Variants in KCNT2 observed in about 807,000 individuals in gnomAD.
The protein encoded by KCNT2 is potassium sodium-activated channel subfamily T member 2, also known as potassium channel subfamily T member 2.
Under a neutral mutation model 153.8 loss-of-function variants are expected in KCNT2, and 67 were observed. The observed-to-expected ratio is 0.44, with a 90% confidence interval of 0.36 to 0.53. The LOEUF (loss-of-function observed/expected upper bound fraction) is 0.53, where lower values mean the gene tolerates loss of function less well. Among genes scored for constraint, KCNT2 ranks in the 20% least tolerant of loss-of-function variants. The probability of loss-of-function intolerance (pLI) is 0.00; values close to 1 mark genes in which losing one functional copy is unlikely to be tolerated. For missense variants in KCNT2, 975 were observed against 1,354.8 expected (o/e 0.72, Z 4.40); for synonymous variants, 500 against 458.8 (o/e 1.09, Z -1.15).
At chr1:196,568,595 C>CAAA (rs34667117) in intron 1 of KCNT2, among the ~76,000 whole-genome samples, 1 of 118,840 alleles carries the variant, frequency 8.4e-6, no homozygotes. Context: ...GACTCCGTCT[C>CAAA]AAAAAAAAAA....
At chr1:196,257,902 A>G (rs1656655800) in intron 26 of KCNT2, 1 of 967,182 alleles carries the variant, frequency 1.0e-6, no homozygotes, top group Non-Finnish European at 1.2e-6. Flanking sequence ...CTTTACTTCT[A>G]ACATGAAAAC....
intron 26 of KCNT2, among the ~76,000 whole-genome samples, chr1:196,252,441 T>C (rs1428773853): frequency 6.6e-6 from 1 of 151,726 alleles, no homozygotes; most frequent in African/African-American, 2.4e-5. Context: ...GTTTACAATA[T>C]ACAGCTTTAA....
At chr1:196,266,645 A>G (rs1269369513) in intron 25 of KCNT2, among the ~76,000 whole-genome samples, 2 of 152,206 alleles carry the variant, frequency 1.3e-5, no homozygotes, top group Non-Finnish European at 2.9e-5. Context: ...GGAACCCCTT[A>G]CCTAAGAACT....
chr1:196,366,954 A>T (rs1668094187), intron 14 of KCNT2, among the ~76,000 whole-genome samples: 1 of 152,146 alleles, frequency 6.6e-6, no homozygotes, highest in Non-Finnish European at 1.5e-5. Flanking sequence ...AGGTTGGTTC[A>T]ATGTTAATTG....
At chr1:196,467,022 ACT>A (rs779546926) in intron 7 of KCNT2, among the ~76,000 whole-genome samples, 95 of 152,034 alleles carry the variant, frequency 6.2e-4, no homozygotes, top group Non-Finnish European at 1.1e-3. Flanking sequence ...CAGAAGGATG[ACT>A]CTAAATGAGG....
intron 14 of KCNT2, among the ~76,000 whole-genome samples, chr1:196,343,966 G>T (rs1558172695): frequency 6.6e-6 from 1 of 152,102 alleles, no homozygotes; most frequent in Non-Finnish European, 1.5e-5. Flanking sequence ...TTTTAGTAGA[G>T]ATGGGGTTTC....
At chr1:196,264,456 A>G (rs924399283) in intron 25 of KCNT2, among the ~76,000 whole-genome samples, 1 of 152,030 alleles carries the variant, frequency 6.6e-6, no homozygotes, top group Admixed American at 6.6e-5. Flanking sequence ...ACATTCATTT[A>G]CCATATCTCA....
At chr1:196,244,922 C>G (rs1278891481) in intron 26 of KCNT2, among the ~76,000 whole-genome samples, 1 of 152,142 alleles carries the variant, frequency 6.6e-6, no homozygotes, top group Non-Finnish European at 1.5e-5. Flanking sequence ...GGCTTCAGGT[C>G]TGACCCATTG....
chr1:196,514,995 C>T (rs981494444), intron 1 of KCNT2, among the ~76,000 whole-genome samples: 10 of 152,156 alleles, frequency 6.6e-5, no homozygotes, highest in African/African-American at 1.4e-4. Context: ...TCTAGACATT[C>T]TAGACATTCA....
At chr1:196,365,297 T>C (rs939457005) in intron 14 of KCNT2, among the ~76,000 whole-genome samples, 1 of 149,346 alleles carries the variant, frequency 6.7e-6, no homozygotes, top group Admixed American at 6.7e-5. Context: ...TAATTCTTTC[T>C]TCAATTCTTT....
intron 18 of KCNT2, 52 bp downstream of exon 18, chr1:196,331,104 T>C: frequency 5.1e-6 from 5 of 971,356 alleles, no homozygotes; most frequent in South Asian, 4.0e-5. Context: ...TATGTAACTA[T>C]AAAATGCTAT....
At chr1:196,377,936 G>A (rs12127589) in intron 13 of KCNT2, among the ~76,000 whole-genome samples, 39,024 of 151,840 alleles carry the variant, frequency 0.26, 7,005 homozygotes, top group African/African-American at 0.51. Flanking sequence ...ATCCACCATT[G>A]CAAGAAAGAT....
chr1:196,314,290 C>G (rs1020935744), intron 21 of KCNT2, among the ~76,000 whole-genome samples: 3 of 151,234 alleles, frequency 2.0e-5, no homozygotes, highest in African/African-American at 7.3e-5. Flanking sequence ...TAGCTTTTGC[C>G]AAGCATGGAA....
intron 1 of KCNT2, among the ~76,000 whole-genome samples, chr1:196,523,163 C>A (rs1653704233): frequency 6.6e-6 from 1 of 152,152 alleles, no homozygotes; most frequent in Non-Finnish European, 1.5e-5. Context: ...GGACGCACCA[C>A]CTTTAAGAGC....
intron 14 of KCNT2, among the ~76,000 whole-genome samples, chr1:196,369,566 A>G (rs1449948918): frequency 3.3e-5 from 5 of 151,492 alleles, no homozygotes; most frequent in South Asian, 2.1e-4. Flanking sequence ...ATGAGTGAGA[A>G]TATGTGGTGT....
intron 21 of KCNT2, among the ~76,000 whole-genome samples, chr1:196,308,044 G>A (rs2147990148): frequency 6.6e-6 from 1 of 152,044 alleles, no homozygotes; most frequent in South Asian, 2.1e-4. Context: ...GGACAAAAAT[G>A]AATCAATGAG....
At chr1:196,244,009 G>T (rs943462351) in intron 26 of KCNT2, among the ~76,000 whole-genome samples, 3 of 152,014 alleles carry the variant, frequency 2.0e-5, no homozygotes, top group East Asian at 3.9e-4. Context: ...CTCAGCCATA[G>T]TATGATAGGG....
At chr1:196,391,082 C>T (rs1351726559) in intron 13 of KCNT2, among the ~76,000 whole-genome samples, 1 of 150,938 alleles carries the variant, frequency 6.6e-6, no homozygotes, top group African/African-American at 2.4e-5. Context: ...GTTTGATATA[C>T]ATGGAGGTTA....
chr1:196,456,032 C>G (rs1676640104), intron 8 of KCNT2, among the ~76,000 whole-genome samples: 1 of 152,056 alleles, frequency 6.6e-6, no homozygotes, highest in Non-Finnish European at 1.5e-5. Context: ...ATTCAGTCCT[C>G]ACTCTAGTAA....
Sources: gnomAD v4.1 joint callset for allele counts (sites outside exome capture counted in the v4.1 genomes callset) on GRCh38, gnomAD v4.1.1 for gene constraint, MANE v1.5 for transcripts, NCBI Gene and HGNC (gene_info 2026-07-23, HGNC 2026-07-21) for gene names.